The following PACRG variants were observed in gnomAD, a reference collection of about 807,000 sequenced individuals.
PACRG encodes parkin coregulated gene protein.
In PACRG, 29 loss-of-function variants were observed where a neutral mutation model predicts 29.7. That is an observed-to-expected ratio of 0.98 (90% CI 0.73 to 1.33). The LOEUF is 1.33. PACRG is among the 40% of genes most tolerant of loss of function. The pLI, the probability that PACRG is intolerant of heterozygous loss-of-function variation, is 0.00. For synonymous variants in PACRG, 116 were observed against 118.7 expected, an observed-to-expected ratio of 0.98 and a Z score of 0.15; for missense variants, 279 against 316.2, an observed-to-expected ratio of 0.88 and a Z score of 0.89.
At chr6:162,918,388 T>G (rs1436997241) in intron 2 of PACRG, among the ~76,000 whole-genome samples, 1 of 152,182 alleles carries the variant, frequency 6.6e-6, no homozygotes, top group Non-Finnish European at 1.5e-5. Flanking sequence ...ATCAAATACT[T>G]CTGAAATTTT....
At chr6:162,851,784 A>G (rs1431996988) in intron 2 of PACRG, among the ~76,000 whole-genome samples, 1 of 152,124 alleles carries the variant, frequency 6.6e-6, no homozygotes, top group Non-Finnish European at 1.5e-5. Flanking sequence ...ACATTAAAAA[A>G]TTTCCCATAA....
At chr6:162,748,508 A>G (rs547309560) in intron 1 of PACRG, among the ~76,000 whole-genome samples, 1 of 152,024 alleles carries the variant, frequency 6.6e-6, no homozygotes, top group South Asian at 2.1e-4. Context: ...AACAAAACCA[A>G]ACCAAACAAA....
At chr6:163,224,030 G>A (rs2128160195) in intron 4 of PACRG, among the ~76,000 whole-genome samples, 1 of 152,100 alleles carries the variant, frequency 6.6e-6, no homozygotes, top group Admixed American at 6.6e-5. Context: ...ACATGTATAT[G>A]GAACCACAAA....
intron 1 of PACRG, among the ~76,000 whole-genome samples, chr6:162,744,219 G>T (rs998199100): frequency 6.6e-6 from 1 of 152,088 alleles, no homozygotes; most frequent in Admixed American, 6.6e-5. Flanking sequence ...TTGAAAAAAA[G>T]ACTTTTTTTG....
chr6:163,125,512 C>T (rs930791392), intron 4 of PACRG, among the ~76,000 whole-genome samples: 9 of 152,160 alleles, frequency 5.9e-5, no homozygotes, highest in African/African-American at 9.7e-5. Context: ...ACAGTAAAGG[C>T]TTAATGCCCA....
intron 2 of PACRG, among the ~76,000 whole-genome samples, chr6:162,926,907 C>G (rs1797482832): frequency 6.6e-6 from 1 of 152,146 alleles, no homozygotes; most frequent in South Asian, 2.1e-4. Flanking sequence ...ATCTACCCAT[C>G]TGACAAAGGT....
At chr6:162,800,342 C>T (rs1398945016) in intron 1 of PACRG, among the ~76,000 whole-genome samples, 1 of 152,126 alleles carries the variant, frequency 6.6e-6, no homozygotes, top group Non-Finnish European at 1.5e-5. Flanking sequence ...TCACTGCTGC[C>T]TATTATTTTA....
chr6:162,924,268 C>T (rs555105544), intron 2 of PACRG, among the ~76,000 whole-genome samples: 2 of 152,106 alleles, frequency 1.3e-5, no homozygotes, highest in African/African-American at 4.8e-5. Context: ...TTTCCCTTAT[C>T]AGTTCTATGA....
At chr6:163,128,073 T>A (rs529932423) in intron 4 of PACRG, among the ~76,000 whole-genome samples, 162 of 152,330 alleles carry the variant, frequency 1.1e-3, no homozygotes, top group African/African-American at 3.8e-3. Context: ...GTGTAATTGT[T>A]TTAAAATACC....
intron 2 of PACRG, among the ~76,000 whole-genome samples, chr6:162,932,232 CAGAA>C (rs1797905607): frequency 6.6e-6 from 1 of 151,842 alleles, no homozygotes; most frequent in Non-Finnish European, 1.5e-5. Flanking sequence ...TTTATAGTGA[CAGAA>C]AGCATGGGGT....
chr6:162,877,322 A>G (rs1293250798), intron 2 of PACRG, among the ~76,000 whole-genome samples: 1 of 152,138 alleles, frequency 6.6e-6, no homozygotes, highest in Non-Finnish European at 1.5e-5. Flanking sequence ...ATTCTCAGCA[A>G]ACTAACACAG....
chr6:163,036,933 A>G (rs1280864656), intron 2 of PACRG, among the ~76,000 whole-genome samples: 1 of 151,848 alleles, frequency 6.6e-6, no homozygotes, highest in Non-Finnish European at 1.5e-5. Flanking sequence ...GGTCTCTGTG[A>G]CAGACCCTGA....
intron 2 of PACRG, among the ~76,000 whole-genome samples, chr6:162,970,234 C>T (rs559088828): frequency 6.9e-4 from 105 of 152,268 alleles, no homozygotes; most frequent in Non-Finnish European, 1.1e-3. Flanking sequence ...TGTGCAGATG[C>T]CACCTATCCC....
chr6:162,780,347 G>T (rs7759501), intron 1 of PACRG, among the ~76,000 whole-genome samples: 18,304 of 151,894 alleles, frequency 0.12, 1,720 homozygotes, highest in African/African-American at 0.25. Context: ...TTAATATTTG[G>T]GCTCACATTA....
intron 2 of PACRG, among the ~76,000 whole-genome samples, chr6:163,020,021 T>C (rs1004981010): frequency 5.3e-5 from 8 of 152,196 alleles, no homozygotes; most frequent in African/African-American, 1.4e-4. Context: ...GTCTTCGTAT[T>C]GGCAAAAACA....
chr6:162,836,139 ATACT>A (rs770513239), intron 2 of PACRG, among the ~76,000 whole-genome samples: 7 of 152,102 alleles, frequency 4.6e-5, no homozygotes, highest in Admixed American at 1.3e-4. Flanking sequence ...ATTTTTGGTA[ATACT>A]TCATACATTC....
chr6:163,175,315 G>T (rs1779292210), intron 4 of PACRG, among the ~76,000 whole-genome samples: 2 of 152,152 alleles, frequency 1.3e-5, no homozygotes, highest in African/African-American at 4.8e-5. Flanking sequence ...CATCTGTTTG[G>T]GAGGGACCTG....
chr6:163,153,882 C>G (rs1278425367), intron 4 of PACRG, among the ~76,000 whole-genome samples: 2 of 152,184 alleles, frequency 1.3e-5, no homozygotes, highest in Non-Finnish European at 2.9e-5. Flanking sequence ...CCACCAGCTC[C>G]TGCTGCAATG....
chr6:162,885,981 A>G (rs1038750985), intron 2 of PACRG, among the ~76,000 whole-genome samples: 8 of 152,098 alleles, frequency 5.3e-5, no homozygotes, highest in Non-Finnish European at 7.4e-5. Context: ...CTAAATTCAA[A>G]TTTTTCCAAT....
Sources: gnomAD v4.1 joint callset for allele counts (sites outside exome capture counted in the v4.1 genomes callset) on GRCh38, gnomAD v4.1.1 for gene constraint, MANE v1.5 for transcripts, NCBI Gene and HGNC (gene_info 2026-07-23, HGNC 2026-07-21) for gene names.